The following ALDH3B1 variants were observed in gnomAD, a reference collection of about 807,000 sequenced individuals.
ALDH3B1 encodes the protein aldehyde dehydrogenase family 3 member B1.
Under a neutral mutation model 46.2 loss-of-function variants are expected in ALDH3B1, and 37 were observed. The ratio of observed to expected loss-of-function variants is 0.80; its 90% CI spans 0.62 to 1.05. The LOEUF is 1.05. Ranked by LOEUF, ALDH3B1 falls within the 50% of genes least tolerant of loss-of-function variation. ALDH3B1 has a pLI of 0.00. For missense variants in ALDH3B1, 603 were observed against 665.5 expected (o/e 0.91, Z 1.03); for synonymous variants, 283 against 281.0 (o/e 1.01, Z -0.07).
At position 68,022,629 on chromosome 11, in the gene ALDH3B1, G is replaced by C. The variant is rs372059022; in HGVS notation, c.984G>C (p.Glu328Asp). ...TGCTGGTGGATGTGCAGGAGATGGA[G>C]CCTGTGATGCAGGAGGAGATCTTCG... Reference protein sequence around the residue: ...PTVLVDVQEMEPVMQEEIFGP... With the variant: ...PTVLVDVQEMDPVMQEEIFGP... Residue 328 changes from glutamate to aspartate, a missense_variant, in exon 8 of 10, where the codon GAG becomes GAC. By Grantham distance (45) the Glu-to-Asp change is conservative. Transcript: ENST00000342456. 167 of 1,613,916 alleles carry C rather than the reference G, an allele frequency of 1.0e-4. No homozygotes were observed. Among genetic ancestry groups the C allele is most frequent in the Middle Eastern group, 1.0e-3 (6 of 5,956 alleles).
rs1386072163 is a variant in ALDH3B1, at chr11:68,018,824, CTCA to C, written c.330_332del (p.Ile111del). The C allele has an allele frequency of 1.3e-6, 2 of 1,564,998 alleles. No homozygotes were observed. The highest frequency in any genetic ancestry group is 4.8e-5 in the East Asian group (2 of 41,704). On this transcript the variant is annotated inframe_deletion, in exon 4 of 10. Transcript: ENST00000342456. ...CCGGAAGGAGCCCTTTGGCCTGGTC[CTCA>C]TCATTGCGCCCTGGAACTATCCGCT...
chr11:68,014,821 C>T (rs1357066464), intron 1 of ALDH3B1: 1 of 154,790 alleles, frequency 6.5e-6, no homozygotes, highest in East Asian at 1.9e-4. Flanking sequence ...AGTGAGTCAC[C>T]CCCTCTACTC....
In ALDH3B1 at chr11:68,028,082, C is replaced by T. The variant is rs538075662; in HGVS notation, c.*143C>T. The T allele has an allele frequency of 9.1e-7, 1 of 1,103,100 alleles. No homozygotes were observed. Among genetic ancestry groups the T allele is most frequent in the East Asian group, 2.3e-5 (1 of 42,604 alleles). 68.3% of individuals were successfully genotyped at this position (1,103,100 alleles called of 1,614,324 possible). A position where few individuals can be genotyped will look rare whatever the true frequency, so the allele number is the denominator to read the frequency against. ...CCCTCAAAGCAGCGCCTGCCTCCTC[C>T]CTCCTGGGTCTTCCCTCTCCCTGCC... is the stretch of plus-strand genomic sequence containing the variant. On this transcript the variant is annotated 3_prime_UTR_variant, in exon 10 of 10. Coordinates refer to ENST00000342456, the MANE Select transcript of ALDH3B1 (RefSeq NM_000694.4).
chr11:68,021,065 C>T (rs12273237), intron 6 of ALDH3B1, among the ~76,000 whole-genome samples: 4,879 of 152,244 alleles, frequency 0.032, 273 homozygotes, highest in African/African-American at 0.11. Flanking sequence ...GAAGAGAGAC[C>T]TGAATGCCGT....
At chr11:68,015,110 G>T (rs1857316275) in intron 1 of ALDH3B1, 187 bp from the exon 2 acceptor site, 1 of 568,054 alleles carries the variant, frequency 1.8e-6, no homozygotes, top group Non-Finnish European at 3.0e-6. Context: ...GGGTGAAAGG[G>T]GTTGCAGGCA....
chr11:68,010,116 G>C (rs1429186362), upstream of ALDH3B1, among the ~76,000 whole-genome samples: 1 of 152,094 alleles, frequency 6.6e-6, no homozygotes, highest in Admixed American at 6.5e-5. Context: ...CCTCAGCTCG[G>C]AGCTCAGCCC....
chr11:68,018,310 C>A, intron 2 of ALDH3B1: 1 of 572,334 alleles, frequency 1.7e-6, no homozygotes, highest in Non-Finnish European at 3.1e-6. Context: ...CATGGAACGA[C>A]TGCCCCCTGC....
intron 8 of ALDH3B1, among the ~76,000 whole-genome samples, chr11:68,023,696 C>A (rs1857557985): frequency 6.6e-6 from 1 of 151,760 alleles, no homozygotes; most frequent in Non-Finnish European, 1.5e-5. Context: ...TCCCATGTAC[C>A]CCACACCTAA....
intron 2 of ALDH3B1, 85 bp downstream of exon 2, chr11:68,015,544 T>G: frequency 6.5e-7 from 1 of 1,527,388 alleles, no homozygotes; most frequent in Non-Finnish European, 8.9e-7. Flanking sequence ...TGAAGACACC[T>G]GCGCCCTCCA....
At chr11:68,018,343 C>T (rs1857398725) in intron 2 of ALDH3B1, 184 bp from the exon 3 acceptor site, 2 of 589,206 alleles carry the variant, frequency 3.4e-6, no homozygotes, top group Non-Finnish European at 5.9e-6. Context: ...AGGGCCGGTC[C>T]CTCTGTTTGG....
At chr11:68,018,105 T>C (rs1432751507) in intron 2 of ALDH3B1, 2 of 165,020 alleles carry the variant, frequency 1.2e-5, no homozygotes, top group Admixed American at 1.2e-4. Context: ...ACTGCTCCAA[T>C]GTGACCGCCG....
Position 68,019,022 on chromosome 11 carries a change from G to A in ALDH3B1, c.394+129G>A, listed in dbSNP as rs780728791. 1.2e-5 allele frequency: 18 copies of A among 1,463,054 alleles called. No homozygotes were observed. The East Asian group carries it at 1.7e-4, about 14-fold the overall frequency. The allele number at this position is 1,463,054 out of a possible 1,614,324, so 90.6% of individuals were successfully genotyped here. A position where few individuals can be genotyped will look rare whatever the true frequency, so the allele number is the denominator to read the frequency against. Reference sequence around the variant, plus strand: ...GAGGACTGTCTGGTCCACCGTCCCCGGGCTGTGTGGCCCTGGGCCCGTCAT... The same window carrying A: ...GAGGACTGTCTGGTCCACCGTCCCCAGGCTGTGTGGCCCTGGGCCCGTCAT... On this transcript the variant is annotated intron_variant, in intron 4 of 9. Transcript: ENST00000342456.
intron 9 of ALDH3B1, 38 bp from the exon 10 acceptor site, chr11:68,027,711 C>A: frequency 1.3e-6 from 2 of 1,546,654 alleles, no homozygotes; most frequent in African/African-American, 2.7e-5. Flanking sequence ...TAGGAGACCC[C>A]CAGCGCCTGA....
intron 9 of ALDH3B1, among the ~76,000 whole-genome samples, chr11:68,027,423 C>T (rs1347700224): frequency 6.6e-6 from 1 of 152,192 alleles, no homozygotes; most frequent in Non-Finnish European, 1.5e-5. Context: ...CCTTGTCACC[C>T]CACGACAGAG....
At chr11:68,017,824 T>G (rs1175083695) in intron 2 of ALDH3B1, 12 of 152,158 alleles carry the variant, frequency 7.9e-5, no homozygotes, top group Non-Finnish European at 1.0e-4. Context: ...AAGACCTACC[T>G]AGGCAACACA....
At chr11:68,019,820 A>G in intron 6 of ALDH3B1, 24 bp downstream of exon 6, 1 of 1,612,708 alleles carries the variant, frequency 6.2e-7, no homozygotes, top group Non-Finnish European at 8.5e-7. Flanking sequence ...GAGGGTCGGG[A>G]CAGGCTGGGG....
At chr11:68,020,530 C>T (rs887073468) in intron 6 of ALDH3B1, among the ~76,000 whole-genome samples, 1 of 152,186 alleles carries the variant, frequency 6.6e-6, no homozygotes, top group Non-Finnish European at 1.5e-5. Flanking sequence ...CCACCACACC[C>T]GGCTTCGAGT....
At chr11:68,012,172 T>C (rs1326899015) in intron 1 of ALDH3B1, among the ~76,000 whole-genome samples, 1 of 151,500 alleles carries the variant, frequency 6.6e-6, no homozygotes, top group African/African-American at 2.4e-5. Flanking sequence ...GAGCAGGGAG[T>C]CCCTGCCCAG....
chr11:68,021,064 C>A (rs2134392925), intron 6 of ALDH3B1, among the ~76,000 whole-genome samples: 1 of 152,306 alleles, frequency 6.6e-6, no homozygotes, highest in Middle Eastern at 3.4e-3. Flanking sequence ...AGAAGAGAGA[C>A]CTGAATGCCG....
Sources: gnomAD v4.1 joint callset for allele counts (sites outside exome capture counted in the v4.1 genomes callset) on GRCh38, gnomAD v4.1.1 for gene constraint, MANE v1.5 for transcripts, NCBI Gene and HGNC (gene_info 2026-07-23, HGNC 2026-07-21) for gene names.